The following PTPRN2 variants were observed in gnomAD, a reference collection of about 807,000 sequenced individuals.
The protein encoded by PTPRN2 is protein tyrosine phosphatase receptor type N2, also known as receptor-type tyrosine-protein phosphatase N2.
PTPRN2 carries 74 observed loss-of-function variants against 118.8 expected under a neutral mutation model. That is an observed-to-expected ratio of 0.62 (90% CI 0.52 to 0.76). The LOEUF is 0.76. PTPRN2 is among the 30% of genes least tolerant of loss of function. The probability of loss-of-function intolerance (pLI) is 0.00; values close to 1 mark genes in which losing one functional copy is unlikely to be tolerated. For missense variants in PTPRN2, 1,481 were observed against 1,394.4 expected, an observed-to-expected ratio of 1.06 and a Z score of -0.99; for synonymous variants, 641 against 608.0, an observed-to-expected ratio of 1.05 and a Z score of -0.80.
chr7:158,316,876 C>A lies in PTPRN2; in HGVS notation c.220G>T (p.Val74Leu). The A allele has an allele frequency of 6.2e-7, 1 of 1,612,330 alleles. No homozygotes were observed. The highest frequency in any genetic ancestry group is 8.5e-7 in the Non-Finnish European group (1 of 1,179,986). ...VPAMDFYRYEVSPVALQRLRV... is the reference protein window; with the variant it reads ...VPAMDFYRYELSPVALQRLRV... ...AGGCGCTGCAGGGCCACGGGCGACA[C>A]CTCGTAGCGGTAAAAGTCCATTGCC... Residue 74 changes from valine (V) to leucine (L), a missense_variant, in exon 3 of 23, where the codon GTG (valine) becomes TTG (leucine). By Grantham distance (32) the Val-to-Leu change is conservative (BLOSUM62 1). Transcript: ENST00000389418.
At chr7:157,967,335 G>T (rs750327351) in intron 11 of PTPRN2, among the ~76,000 whole-genome samples, 3 of 152,150 alleles carry the variant, frequency 2.0e-5, no homozygotes, top group African/African-American at 7.2e-5. Flanking sequence ...CAAACTTATT[G>T]TTCTGCAGGT....
chr7:158,562,980 T>A (rs547990775), intron 1 of PTPRN2, among the ~76,000 whole-genome samples: 1 of 152,316 alleles, frequency 6.6e-6, no homozygotes, highest in South Asian at 2.1e-4. Flanking sequence ...GCGGAGTGTT[T>A]CCCACAGCAA....
intron 19 of PTPRN2, among the ~76,000 whole-genome samples, chr7:157,574,170 A>G (rs972286019): frequency 6.6e-6 from 1 of 152,212 alleles, no homozygotes; most frequent in African/African-American, 2.4e-5. Flanking sequence ...TTGGTATCAT[A>G]GAAACTTCCA....
intron 10 of PTPRN2, among the ~76,000 whole-genome samples, chr7:158,102,047 T>C (rs191149960): frequency 6.6e-6 from 1 of 152,142 alleles, no homozygotes; most frequent in Admixed American, 6.5e-5. Context: ...GATGAAGTGG[T>C]TCCTCTCCCA....
chr7:157,742,210 T>C (rs1310795921), intron 12 of PTPRN2, among the ~76,000 whole-genome samples: 1 of 152,222 alleles, frequency 6.6e-6, no homozygotes, highest in Admixed American at 6.5e-5. Flanking sequence ...GGCTTTTGCA[T>C]ATGTAGATGG....
rs906227317 is a variant in PTPRN2, at chr7:158,110,718, G to C, written c.1643+111C>G. 2.0e-5 allele frequency: 20 copies of C among 998,014 alleles called. No homozygotes were observed. In the African/African-American group the frequency reaches 2.1e-4, roughly 11 times the overall value. 61.8% of individuals were successfully genotyped at this position (998,014 alleles called of 1,614,324 possible). A position where few individuals can be genotyped will look rare whatever the true frequency, so the allele number is the denominator to read the frequency against. On this transcript the variant is annotated intron_variant, in intron 10 of 22. Coordinates refer to ENST00000389418, the MANE Select transcript of PTPRN2 (RefSeq NM_002847.5). ...AATCACCTTTCACTTCTCTAAACAG[G>C]TTCCCTCATGTAATTAACAAGAGCC...
At chr7:158,211,650 T>C (rs1463035033) in intron 3 of PTPRN2, among the ~76,000 whole-genome samples, 1 of 152,066 alleles carries the variant, frequency 6.6e-6, no homozygotes, top group Admixed American at 6.6e-5. Context: ...GAAATGCAAA[T>C]CAAACCTACA....
At chr7:158,028,749 A>G (rs1345151200) in intron 11 of PTPRN2, 1 of 152,286 alleles carries the variant, frequency 6.6e-6, no homozygotes, top group Non-Finnish European at 1.5e-5. Flanking sequence ...CTTTACCCAG[A>G]GCTACTATGT....
At position 158,403,582 on chromosome 7, in the gene PTPRN2, T is replaced by C. The variant is rs113834921; in HGVS notation, c.163+86153A>G. 7.9e-3 allele frequency among the ~76,000 whole-genome samples: 1,209 copies of C among 152,292 alleles called. 26 individuals carry two copies. Among genetic ancestry groups the C allele is most frequent in the African/African-American group, 0.027 (1,112 of 41,562 alleles). Reference sequence around the variant, plus strand: ...CTCCAAGGGCCACTCTGGTGGCACGTCAATCACCACAGAGAGGTCACTTCT... The same window carrying C: ...CTCCAAGGGCCACTCTGGTGGCACGCCAATCACCACAGAGAGGTCACTTCT... On this transcript the variant is annotated intron_variant, in intron 2 of 22. Coordinates refer to ENST00000389418, the MANE Select transcript of PTPRN2 (RefSeq NM_002847.5).
intron 10 of PTPRN2, among the ~76,000 whole-genome samples, chr7:158,085,627 T>A (rs1319008410): frequency 0.023 from 306 of 13,516 alleles, no homozygotes; most frequent in Middle Eastern, 0.071. Context: ...ATCCACACCC[T>A]CGACGCCCAT....
At chr7:158,361,640 C>T (rs1396043501) in intron 2 of PTPRN2, among the ~76,000 whole-genome samples, 1 of 152,206 alleles carries the variant, frequency 6.6e-6, no homozygotes, top group African/African-American at 2.4e-5. Context: ...GCCCTGCCCT[C>T]AGGACAGGCT....
Position 157,829,334 on chromosome 7 carries a change from A to G in PTPRN2, c.1788+69339T>C, listed in dbSNP as rs562416127. Among the ~76,000 whole-genome samples the G allele has an allele frequency of 1.7e-4, 26 of 152,350 alleles. No individual in the cohort carries two copies. The South Asian group carries it at 5.0e-3, about 29-fold the overall frequency. On this transcript the variant is annotated intron_variant, in intron 12 of 22. Coordinates refer to ENST00000389418, the MANE Select transcript of PTPRN2 (RefSeq NM_002847.5). Reference sequence around the variant, plus strand: ...AGAGATGAGGCCTCGCCACTGATCAAACACTCGGCTGGTAAGTAGAAGTCC... The same window carrying G: ...AGAGATGAGGCCTCGCCACTGATCAGACACTCGGCTGGTAAGTAGAAGTCC...
At position 158,167,039 on chromosome 7, in the gene PTPRN2, G is replaced by A. The variant is rs757606339; in HGVS notation, c.802C>T (p.Leu268Phe). The A allele has an allele frequency of 2.2e-5, 34 of 1,547,894 alleles. No homozygotes were observed. The highest frequency in any genetic ancestry group is 1.7e-4 in the Middle Eastern group (1 of 5,842). ...PGEGSLEPQY[L>F]LRAPSRMPRP... ...GGCATTCTTGAGGGTGCACGCAGAA[G>A]GTACTGTGGCTCCAGGCTGCCCTCC... The change falls in exon 6 of 23, where the codon CTT (leucine) becomes TTT (phenylalanine). Residue 268 changes from leucine (L) to phenylalanine (F), a missense_variant. Around this residue, in one of 3 missense-constraint regions of PTPRN2, gnomAD observed 1,115 missense variants for 994.2 expected, o/e 1.12. Coordinates refer to ENST00000389418, the MANE Select transcript of PTPRN2 (RefSeq NM_002847.5).
chr7:158,162,059 G>A (rs902394730), intron 6 of PTPRN2, among the ~76,000 whole-genome samples: 1 of 152,126 alleles, frequency 6.6e-6, no homozygotes, highest in Admixed American at 6.5e-5. Context: ...TCTCAGAAGG[G>A]CCGGAACCCA....
intron 15 of PTPRN2, chr7:157,614,068 C>A (rs745919508): frequency 1.3e-5 from 6 of 471,390 alleles, no homozygotes; most frequent in Admixed American, 2.3e-5. Flanking sequence ...GACTGCTCAA[C>A]CGGCCAATCA....
chr7:158,194,134 A>T lies in PTPRN2; in HGVS notation c.381-1639T>A, dbSNP rs548767231. 9.6e-4 allele frequency among the ~76,000 whole-genome samples: 145 copies of T among 151,210 alleles called. No homozygotes were observed. In the Middle Eastern group the frequency reaches 0.01, roughly 11 times the overall value. Reference sequence around the variant, plus strand: ...GCACGCGCGCGCATGTGCGTGTGTGAGTTTGTGTAAGTGTGTGTGTGAGTG... The same window carrying T: ...GCACGCGCGCGCATGTGCGTGTGTGTGTTTGTGTAAGTGTGTGTGTGAGTG... On this transcript the variant is annotated intron_variant, in intron 4 of 22. Coordinates refer to ENST00000389418, the MANE Select transcript of PTPRN2 (RefSeq NM_002847.5).
chr7:158,160,925 A>G (rs1417284660), intron 6 of PTPRN2, among the ~76,000 whole-genome samples: 1 of 152,272 alleles, frequency 6.6e-6, no homozygotes, highest in South Asian at 2.1e-4. Context: ...TTGCAAATAA[A>G]TTCCCTTTTA....
At chr7:157,907,721 T>C (rs1797860027) in intron 11 of PTPRN2, among the ~76,000 whole-genome samples, 1 of 151,728 alleles carries the variant, frequency 6.6e-6, no homozygotes, top group Non-Finnish European at 1.5e-5. Flanking sequence ...GGTGGCAGTA[T>C]CTCCCTGTCC....
intron 14 of PTPRN2, among the ~76,000 whole-genome samples, chr7:157,635,661 C>A (rs2150680908): frequency 6.6e-6 from 1 of 152,356 alleles, no homozygotes; most frequent in African/African-American, 2.4e-5. Flanking sequence ...CAGACTCTCA[C>A]CCCAGCCAGG....
Sources: allele counts gnomAD v4.1 joint callset (sites outside exome capture counted in the v4.1 genomes callset), GRCh38; gene constraint gnomAD v4.1.1; regional missense constraint gnomAD v4.1.1; transcripts MANE v1.5; gene names NCBI Gene and HGNC (gene_info 2026-07-23, HGNC 2026-07-21).